DAB1: variants seen among roughly 807,000 people sequenced by gnomAD.
The protein encoded by DAB1 is disabled homolog 1.
Under a neutral mutation model 64.6 loss-of-function variants are expected in DAB1, and 15 were observed. The ratio of observed to expected loss-of-function variants is 0.23; its 90% CI spans 0.16 to 0.36. The LOEUF (loss-of-function observed/expected upper bound fraction) is 0.36. Among genes scored for constraint, DAB1 ranks in the 10% least tolerant of loss-of-function variants. The pLI is 1.00. For missense variants in DAB1, 596 were observed against 706.7 expected, an observed-to-expected ratio of 0.84 and a Z score of 1.78; for synonymous variants, 235 against 251.9, an observed-to-expected ratio of 0.93 and a Z score of 0.64.
chr1:57,442,379 G>A (rs1685989616), intron 7 of DAB1, among the ~76,000 whole-genome samples: 1 of 152,070 alleles, frequency 6.6e-6, no homozygotes, highest in African/African-American at 2.4e-5. Flanking sequence ...GCAAGCCTTG[G>A]GATAACAAGC....
rs748074939 is a variant in DAB1, at chr1:57,665,849, C to CTCTGTGTGTG, written n.552-16185_552-16184insCACACACAGA. Among the ~76,000 whole-genome samples the CTCTGTGTGTG allele has an allele frequency of 2.6e-4, 35 of 137,242 alleles. No individual in the cohort carries two copies. The South Asian group carries it at 7.9e-3, about 31-fold the overall frequency. 90.0% of individuals were successfully genotyped at this position (137,242 alleles called of 152,430 possible). A position where few individuals can be genotyped will look rare whatever the true frequency, so the allele number is the denominator to read the frequency against. On this transcript the variant is annotated intron_variant and non_coding_transcript_variant, in intron 6 of 20. Coordinates refer to the DAB1 transcript ENST00000485760. ...TTTTCTTCCCTTTTTTTTTAATTAT[C>CTCTGTGTGTG]TGTGTGTGTGTGTGTGTGTGTGTGT... is the stretch of plus-strand genomic sequence containing the variant.
intron 5 of DAB1, among the ~76,000 whole-genome samples, chr1:57,893,263 A>G (rs1002536884): frequency 3.9e-5 from 6 of 152,314 alleles, no homozygotes; most frequent in Middle Eastern, 6.8e-3. Context: ...GCCTGAAAGA[A>G]GCATATAATA....
At chr1:57,128,481 A>G (rs1657355408) in intron 4 of DAB1, among the ~76,000 whole-genome samples, 1 of 152,222 alleles carries the variant, frequency 6.6e-6, no homozygotes, top group Non-Finnish European at 1.5e-5. Context: ...ATTTGTTTAC[A>G]TATCATGTGC....
chr1:58,475,778 A>G (rs2100338765), intron 3 of DAB1, among the ~76,000 whole-genome samples: 2 of 152,342 alleles, frequency 1.3e-5, no homozygotes, highest in Middle Eastern at 3.4e-3. Flanking sequence ...GGCAGGGCAA[A>G]TATTACTATC....
chr1:58,354,652 G>A (rs544783673), intron 3 of DAB1, among the ~76,000 whole-genome samples: 1 of 152,150 alleles, frequency 6.6e-6, no homozygotes, highest in Non-Finnish European at 1.5e-5. Context: ...AATCTAGGAG[G>A]ACACAGAGGA....
intron 5 of DAB1, among the ~76,000 whole-genome samples, chr1:58,014,051 T>C (rs1462714412): frequency 6.6e-6 from 1 of 152,178 alleles, no homozygotes; most frequent in African/African-American, 2.4e-5. Flanking sequence ...ATATGTTTCA[T>C]TTTACTTATT....
chr1:57,202,340 A>C (rs1665172964), intron 2 of DAB1, among the ~76,000 whole-genome samples: 1 of 152,154 alleles, frequency 6.6e-6, no homozygotes, highest in Non-Finnish European at 1.5e-5. Context: ...TTACATTTTT[A>C]ATTTTATTTT....
At chr1:57,189,339 T>G (rs913892621) in intron 2 of DAB1, among the ~76,000 whole-genome samples, 4 of 152,176 alleles carry the variant, frequency 2.6e-5, no homozygotes, top group Admixed American at 6.5e-5. Context: ...GAAACCTTGG[T>G]CTTAGAGATC....
At chr1:58,147,236 G>A (rs1654645487) in intron 5 of DAB1, among the ~76,000 whole-genome samples, 2 of 151,696 alleles carry the variant, frequency 1.3e-5, no homozygotes, top group South Asian at 4.2e-4. Context: ...GAGCCTGGGA[G>A]GCGGAGGTTG....
chr1:58,127,652 G>A (rs1387479911), intron 5 of DAB1, among the ~76,000 whole-genome samples: 4 of 152,280 alleles, frequency 2.6e-5, no homozygotes, highest in Admixed American at 6.5e-5. Flanking sequence ...TGTAAGGAAC[G>A]GATCCAGTTT....
At chr1:57,676,291 T>G (rs879316749) in intron 6 of DAB1, among the ~76,000 whole-genome samples, 4 of 152,222 alleles carry the variant, frequency 2.6e-5, no homozygotes, top group African/African-American at 9.6e-5. Context: ...GAAGACCTTC[T>G]GTTCAAAATA....
intron 1 of DAB1, among the ~76,000 whole-genome samples, chr1:57,859,169 C>T (rs1220295676): frequency 6.6e-6 from 1 of 152,098 alleles, no homozygotes; most frequent in Admixed American, 6.6e-5. Flanking sequence ...AACCTATTTC[C>T]TAACCTAGAC....
At chr1:57,067,312 G>T (rs1651013350) in intron 8 of DAB1, among the ~76,000 whole-genome samples, 1 of 152,094 alleles carries the variant, frequency 6.6e-6, no homozygotes, top group Non-Finnish European at 1.5e-5. Context: ...AGAATCAGGG[G>T]ATTCTGAGCT....
intron 2 of DAB1, among the ~76,000 whole-genome samples, chr1:57,228,351 G>A (rs763527798): frequency 1.3e-5 from 2 of 152,058 alleles, no homozygotes; most frequent in Non-Finnish European, 2.9e-5. Flanking sequence ...CCAAAAATAT[G>A]TGTATATAGA....
intron 6 of DAB1, among the ~76,000 whole-genome samples, chr1:57,766,849 C>T (rs1649335817): frequency 6.6e-6 from 1 of 152,176 alleles, no homozygotes; most frequent in African/African-American, 2.4e-5. Flanking sequence ...TCAAGAGTTC[C>T]CACGACCCCC....
At chr1:57,776,292 CA>C (rs56664108) in intron 6 of DAB1, among the ~76,000 whole-genome samples, 87,083 of 150,364 alleles carry the variant, frequency 0.58, 25,207 homozygotes, top group East Asian at 0.65. Flanking sequence ...TTCCAAATTC[CA>C]AAAAAAAAAT....
chr1:57,027,059 C>T (rs960475705), intron 9 of DAB1, among the ~76,000 whole-genome samples: 4 of 152,058 alleles, frequency 2.6e-5, no homozygotes, highest in African/African-American at 4.8e-5. Context: ...GTGAAGAGTC[C>T]GACTGCCCTG....
intron 2 of DAB1, among the ~76,000 whole-genome samples, chr1:57,196,054 G>A (rs927695653): frequency 1.3e-5 from 2 of 152,158 alleles, no homozygotes; most frequent in Non-Finnish European, 2.9e-5. Context: ...TAGGAGGAAG[G>A]GGTGGGAGAG....
chr1:58,066,517 T>C (rs1648863617), intron 5 of DAB1, among the ~76,000 whole-genome samples: 1 of 152,206 alleles, frequency 6.6e-6, no homozygotes, highest in Non-Finnish European at 1.5e-5. Flanking sequence ...CTGTTCTAAG[T>C]GCTTTGTTTA....
Sources: gnomAD v4.1 joint callset for allele counts (sites outside exome capture counted in the v4.1 genomes callset) on GRCh38, gnomAD v4.1.1 for gene constraint, MANE v1.5 for transcripts, NCBI Gene and HGNC (gene_info 2026-07-23, HGNC 2026-07-21) for gene names.